The following RABGAP1L variants were observed in gnomAD, a reference collection of about 807,000 sequenced individuals.
The protein encoded by RABGAP1L is RAB GTPase activating protein 1 like, also known as rab GTPase-activating protein 1-like.
Under a neutral mutation model 137.7 loss-of-function variants are expected in RABGAP1L, and 63 were observed. The ratio of observed to expected loss-of-function variants is 0.46; its 90% CI spans 0.37 to 0.56. The LOEUF (loss-of-function observed/expected upper bound fraction) is 0.56, where lower values mean the gene tolerates loss of function less well. RABGAP1L is among the 20% of genes least tolerant of loss of function. The pLI is 0.00. For missense variants in RABGAP1L, 1,095 were observed against 1,244.0 expected, an observed-to-expected ratio of 0.88 and a Z score of 1.80; for synonymous variants, 431 against 433.7, an observed-to-expected ratio of 0.99 and a Z score of 0.08.
rs780366060 is a variant in RABGAP1L, at chr1:174,761,570, C to T, written c.2211+9216C>T. ...AGATGGTGGGGCCGCCTAGCAGAGG[C>T]GCTCCTCATTTTTCAGACGGTGCGG... is the stretch of plus-strand genomic sequence containing the variant. On this transcript the variant is annotated intron_variant, in intron 18 of 25. Transcript: ENST00000681986. This position sits in a 1 kb window ranked among gnomAD's most constrained non-coding sequence, Gnocchi z 4.0. Among the ~76,000 whole-genome samples the T allele has an allele frequency of 9.2e-5, 14 of 152,194 alleles. No individual in the cohort carries two copies. In the East Asian group the frequency reaches 1.5e-3, roughly 17 times the overall value.
intron 10 of RABGAP1L, among the ~76,000 whole-genome samples, chr1:174,299,653 A>G (rs1230748399): frequency 1.3e-5 from 2 of 152,230 alleles, no homozygotes; most frequent in Admixed American, 6.5e-5. Flanking sequence ...AAATAGTTCA[A>G]AATAAGTTTC....
At chr1:174,238,428 G>T (rs1671420697) in intron 4 of RABGAP1L, among the ~76,000 whole-genome samples, 1 of 152,098 alleles carries the variant, frequency 6.6e-6, no homozygotes, top group Non-Finnish European at 1.5e-5. Flanking sequence ...TGATGATGGT[G>T]ATGTACAGAT....
rs550034492 is a variant in RABGAP1L, at chr1:174,223,264, T to TAAAAA, written c.331+2125_331+2129dup. Among the ~76,000 whole-genome samples the TAAAAA allele has an allele frequency of 9.5e-3, 380 of 39,866 alleles. 50 individuals are homozygous for TAAAAA. The highest frequency in any genetic ancestry group is 0.042 in the Middle Eastern group (1 of 24). The allele number at this position is 39,866 out of a possible 152,430, so 26.2% of individuals were successfully genotyped here. On this transcript the variant is annotated intron_variant, in intron 3 of 25. Coordinates refer to ENST00000681986, the MANE Select transcript of RABGAP1L (RefSeq NM_001366446.1). Reference sequence around the variant, plus strand: ...GCCTGCGTGACAGTGAGACTCTGTCTAAAAAAAAAAAAAAAAAAAAAAAAA... The same window carrying TAAAAA: ...GCCTGCGTGACAGTGAGACTCTGTCTAAAAAAAAAAAAAAAAAAAAAAAAAAAAAA...
chr1:174,291,233 C>T (rs1029030780), intron 10 of RABGAP1L, among the ~76,000 whole-genome samples: 1 of 151,340 alleles, frequency 6.6e-6, no homozygotes, highest in Admixed American at 6.6e-5. Context: ...TGGTTTTTCC[C>T]CCTTTTTTTC....
Position 174,305,104 on chromosome 1 carries a change from C to A in RABGAP1L, c.1442C>A (p.Pro481His). The A allele has an allele frequency of 6.5e-7, 1 of 1,539,296 alleles. No homozygotes were observed. The highest frequency in any genetic ancestry group is 8.7e-7 in the Non-Finnish European group (1 of 1,152,918). The change falls in exon 11 of 26, where the codon CCC becomes CAC. Residue 481 changes from proline to histidine, a missense_variant. Pro to His is a moderately conservative substitution (Grantham distance 77). This residue lies in a region of RABGAP1L where 315 missense variants were observed against 324.8 expected (regional missense o/e 0.97). Transcript: ENST00000681986. ...TPTSGGGPMSPQDDEAEEESD... is the reference protein window; with the variant it reads ...TPTSGGGPMSHQDDEAEEESD... The stretch of plus-strand genomic sequence containing the variant: ...ACTAGTGGAGGGGGTCCAATGTCAC[C>A]CCAGGATGATGAAGCAGAAGAGGGT...
At chr1:174,400,779 A>G (rs1245445768) in intron 13 of RABGAP1L, among the ~76,000 whole-genome samples, 1 of 152,042 alleles carries the variant, frequency 6.6e-6, no homozygotes, top group Non-Finnish European at 1.5e-5. Flanking sequence ...GGTCATGTAG[A>G]TTGAGTCACC....
At chr1:174,714,351 T>C (rs532626885) in intron 17 of RABGAP1L, among the ~76,000 whole-genome samples, 61 of 152,288 alleles carry the variant, frequency 4.0e-4, no homozygotes, top group Middle Eastern at 3.4e-3. Flanking sequence ...TACTTTGTAT[T>C]GCTTTTAAAA....
intron 19 of RABGAP1L, among the ~76,000 whole-genome samples, chr1:174,860,165 C>G (rs1342880858): frequency 6.6e-6 from 1 of 151,878 alleles, no homozygotes; most frequent in Non-Finnish European, 1.5e-5. Flanking sequence ...TCAAGGTTTG[C>G]TCAGTGTGGA....
In RABGAP1L at chr1:174,448,604, A is replaced by G; in HGVS notation, c.1710+54459A>G. 6.2e-7 allele frequency: 1 copy of G among 1,613,788 alleles called. No homozygotes were observed. Among genetic ancestry groups the G allele is most frequent in the Non-Finnish European group, 8.5e-7 (1 of 1,179,830 alleles). Reference sequence around the variant, plus strand: ...TCGCTTGAGAATTTGCATTATTTTGATCTGGATCTACTCCTGCCTAATTTT... The same window carrying G: ...TCGCTTGAGAATTTGCATTATTTTGGTCTGGATCTACTCCTGCCTAATTTT... On this transcript the variant is annotated intron_variant, in intron 13 of 25. Coordinates refer to ENST00000681986, the MANE Select transcript of RABGAP1L (RefSeq NM_001366446.1). This position sits in a 1 kb window ranked among gnomAD's most constrained non-coding sequence, Gnocchi z 4.2.
intron 19 of RABGAP1L, among the ~76,000 whole-genome samples, chr1:174,862,154 C>A (rs1650359407): frequency 6.6e-6 from 1 of 152,154 alleles, no homozygotes; most frequent in South Asian, 2.1e-4. Flanking sequence ...CATTCTCTTG[C>A]ATGTGGAGAT....
intron 14 of RABGAP1L, among the ~76,000 whole-genome samples, chr1:174,644,921 C>G (rs1674827402): frequency 6.6e-6 from 1 of 152,042 alleles, no homozygotes; most frequent in Non-Finnish European, 1.5e-5. Context: ...TGTCCATCTC[C>G]CTTATAAAGG....
intron 18 of RABGAP1L, among the ~76,000 whole-genome samples, chr1:174,794,736 C>CT (rs1344899728): frequency 2.0e-5 from 3 of 152,156 alleles, no homozygotes; most frequent in Non-Finnish European, 2.9e-5. Flanking sequence ...AAAGACATAC[C>CT]TACCTCATAG....
intron 7 of RABGAP1L, among the ~76,000 whole-genome samples, chr1:174,254,619 A>G (rs1247853501): frequency 6.6e-6 from 1 of 152,200 alleles, no homozygotes; most frequent in Admixed American, 6.5e-5. Context: ...TAGTTTGCTG[A>G]GAATGATGGT....
intron 14 of RABGAP1L, among the ~76,000 whole-genome samples, chr1:174,648,558 C>T (rs6686819): frequency 0.011 from 1,603 of 151,834 alleles, 32 homozygotes; most frequent in African/African-American, 0.037. Flanking sequence ...ATGACAGTGT[C>T]GTCTGACAGA....
chr1:174,603,700 C>T (rs1451895978), intron 13 of RABGAP1L, among the ~76,000 whole-genome samples: 1 of 151,842 alleles, frequency 6.6e-6, no homozygotes, highest in African/African-American at 2.4e-5. Context: ...CTAGTTCTCA[C>T]CCAAAGCCCA....
chr1:174,389,930 T>C (rs1687087614), intron 12 of RABGAP1L, among the ~76,000 whole-genome samples: 1 of 152,208 alleles, frequency 6.6e-6, no homozygotes, highest in Non-Finnish European at 1.5e-5. Context: ...TCAGCATGTA[T>C]CATAACTAGT....
chr1:174,969,440 G>A, intron 21 of RABGAP1L, 53 bp downstream of exon 21: 3 of 1,368,058 alleles, frequency 2.2e-6, no homozygotes, highest in African/African-American at 1.4e-5. Flanking sequence ...AGACCGATTT[G>A]CCCTCATCAC....
chr1:174,629,439 TC>T (rs2148303647), intron 13 of RABGAP1L, among the ~76,000 whole-genome samples: 1 of 152,306 alleles, frequency 6.6e-6, no homozygotes, highest in South Asian at 2.1e-4. Flanking sequence ...TAGAAATTAT[TC>T]CCTTAGCCAA....
chr1:174,376,664 C>A (rs1339648623), intron 12 of RABGAP1L, among the ~76,000 whole-genome samples: 2 of 151,662 alleles, frequency 1.3e-5, no homozygotes, highest in Non-Finnish European at 1.5e-5. Flanking sequence ...TTAAAAAAAC[C>A]AAAAAACAAA....
Sources: gnomAD v4.1 joint callset for allele counts (sites outside exome capture counted in the v4.1 genomes callset) on GRCh38, gnomAD v4.1.1 for gene constraint, gnomAD v4.1.1 regional missense constraint, Gnocchi (gnomAD v3.1) non-coding constraint, MANE v1.5 for transcripts, NCBI Gene and HGNC (gene_info 2026-07-23, HGNC 2026-07-21) for gene names.